The following MRPS27 variants were observed in gnomAD, a reference collection of about 807,000 sequenced individuals.
The protein encoded by MRPS27 is small ribosomal subunit protein mS27.
In MRPS27, 43 loss-of-function variants were observed where a neutral mutation model predicts 48.9. The ratio of observed to expected loss-of-function variants is 0.88; its 90% CI spans 0.69 to 1.13. The LOEUF (loss-of-function observed/expected upper bound fraction) is 1.13, where lower values mean the gene tolerates loss of function less well. Among genes scored for constraint, MRPS27 ranks in the 50% most tolerant of loss-of-function variants. The pLI is 0.00. For synonymous variants in MRPS27, 188 were observed against 171.9 expected (o/e 1.09, Z -0.73); for missense variants, 467 against 476.3 (o/e 0.98, Z 0.18).
intron 4 of MRPS27, among the ~76,000 whole-genome samples, chr5:72,253,336 C>T (rs536096768): frequency 1.4e-3 from 208 of 152,320 alleles, no homozygotes; most frequent in African/African-American, 4.7e-3. Flanking sequence ...ATCAATCTAT[C>T]ACGTTTAATC....
chr5:72,223,665 C>T lies in MRPS27; in HGVS notation c.1005+18G>A, dbSNP rs199822876. The T allele has an allele frequency of 4.8e-5, 78 of 1,613,548 alleles. No homozygotes were observed. In the African/African-American group the frequency reaches 6.8e-4, roughly 14 times the overall value. On this transcript the variant is annotated intron_variant, in intron 10 of 10. Coordinates refer to ENST00000261413, the MANE Select transcript of MRPS27 (RefSeq NM_015084.3). ...GTTTTATGCGCTGCTAAGAGAGACACGTTCTGCTATGATTCACCTTAAATC... is the reference window on the plus strand; with the variant it reads ...GTTTTATGCGCTGCTAAGAGAGACATGTTCTGCTATGATTCACCTTAAATC...
intron 4 of MRPS27, among the ~76,000 whole-genome samples, chr5:72,269,919 GCGGT>G (rs1749192412): frequency 6.6e-6 from 1 of 152,106 alleles, no homozygotes; most frequent in African/African-American, 2.4e-5. Flanking sequence ...GTGGCCGGGT[GCGGT>G]GGCTCACGCC....
intron 7 of MRPS27, 90 bp downstream of exon 7, chr5:72,232,353 A>C: frequency 1.2e-6 from 1 of 845,768 alleles, no homozygotes; most frequent in Non-Finnish European, 1.8e-6. Context: ...CTGGCCACAG[A>C]GCTGCAGACA....
At chr5:72,223,466 C>G (rs777334863) in intron 10 of MRPS27, among the ~76,000 whole-genome samples, 6 of 152,202 alleles carry the variant, frequency 3.9e-5, no homozygotes, top group Non-Finnish European at 8.8e-5. Context: ...GTGAACAAAA[C>G]TGTGACCAAT....
chr5:72,305,407 A>G (rs1310528651), intron 2 of MRPS27, among the ~76,000 whole-genome samples: 1 of 152,232 alleles, frequency 6.6e-6, no homozygotes, highest in Admixed American at 6.5e-5. Flanking sequence ...AGCTGAAATG[A>G]CACAGCAAAA....
chr5:72,305,553 A>C (rs1475127631), intron 2 of MRPS27, among the ~76,000 whole-genome samples: 1 of 152,258 alleles, frequency 6.6e-6, no homozygotes, highest in East Asian at 1.9e-4. Flanking sequence ...ACAAACCAAG[A>C]GAAACCAACA....
At chr5:72,243,020 C>T (rs895282779) in intron 4 of MRPS27, among the ~76,000 whole-genome samples, 3 of 152,206 alleles carry the variant, frequency 2.0e-5, no homozygotes, top group Admixed American at 6.5e-5. Context: ...CCTAAACACA[C>T]ACATGCAGCT....
At chr5:72,266,904 T>C (rs1214723588) in intron 4 of MRPS27, among the ~76,000 whole-genome samples, 1 of 151,572 alleles carries the variant, frequency 6.6e-6, no homozygotes, top group African/African-American at 2.4e-5. Flanking sequence ...TACCACTAGG[T>C]TCATGAATCT....
Position 72,220,875 on chromosome 5 carries a change from T to C in MRPS27, c.*34A>G, listed in dbSNP as rs372769656. On this transcript the variant is annotated 3_prime_UTR_variant, in exon 11 of 11. Coordinates refer to ENST00000261413, the MANE Select transcript of MRPS27 (RefSeq NM_015084.3). ...GTCCTGGCACGGGGTTGAGTGAAGT[T>C]CTTGTGAGACAGGTGGGGCCCTGGG... 1.3e-4 allele frequency: 204 copies of C among 1,612,186 alleles called. No individual in the cohort carries two copies. Among genetic ancestry groups the C allele is most frequent in the Non-Finnish European group, 1.7e-4 (197 of 1,179,130 alleles).
chr5:72,272,847 G>C (rs1359444444), intron 4 of MRPS27, among the ~76,000 whole-genome samples: 1 of 152,166 alleles, frequency 6.6e-6, no homozygotes, highest in East Asian at 1.9e-4. Context: ...CAGAAAGTTT[G>C]TCAACCCCTG....
At position 72,295,845 on chromosome 5, in the gene MRPS27, C is replaced by T. The variant is rs530113327; in HGVS notation, c.223-256G>A. On this transcript the variant is annotated intron_variant, in intron 3 of 10. Transcript: ENST00000261413. ...CCTTGATCAGAAAACGGATTGAAAG[C>T]CAAACATGAACCTTGCTCAGAACAA... is the stretch of plus-strand genomic sequence containing the variant. Among the ~76,000 whole-genome samples the T allele has an allele frequency of 2.4e-3, 366 of 152,282 alleles. 1 individual carries two copies. The highest frequency in any genetic ancestry group is 8.5e-3 in the African/African-American group (354 of 41,554).
At chr5:72,266,719 G>A (rs1749115203) in intron 4 of MRPS27, among the ~76,000 whole-genome samples, 1 of 152,168 alleles carries the variant, frequency 6.6e-6, no homozygotes, top group African/African-American at 2.4e-5. Flanking sequence ...AATTAGCTGG[G>A]TGTGGTGGCA....
chr5:72,223,714 G>C lies in MRPS27; in HGVS notation c.974C>G (p.Ser325Cys). The change falls in exon 10 of 11, where the codon TCC (serine) becomes TGC (cysteine). Residue 325 changes from serine (S) to cysteine (C), a missense_variant. Ser to Cys is a moderately radical substitution (Grantham distance 112). Transcript: ENST00000261413. ...TCGTTCCAGGTATTGAGGAAGCTTG[G>C]ACTGCTCTGTTTCCTCGATGTCTAA... ...EQLDIEETEQ[S>C]KLPQYLERFK... 6.2e-7 allele frequency: 1 copy of C among 1,613,982 alleles called. No individual in the cohort carries two copies. The highest frequency in any genetic ancestry group is 2.2e-5 in the East Asian group (1 of 44,870).
rs575792255 is a variant in MRPS27 at position 72,257,109 on chromosome 5, C to T, written c.282-18981G>A. Among the ~76,000 whole-genome samples the T allele has an allele frequency of 2.6e-5, 4 of 152,266 alleles. No individual in the cohort carries two copies. The East Asian group carries it at 7.7e-4, about 29-fold the overall frequency. On this transcript the variant is annotated intron_variant, in intron 4 of 10. Transcript: ENST00000261413. ...GGTACCTGAACCCTCAACTTTGATT[C>T]TCCACCCTCCACCCAATTTTATTTA...
chr5:72,285,384 T>A (rs1009253849), intron 4 of MRPS27, among the ~76,000 whole-genome samples: 9 of 152,256 alleles, frequency 5.9e-5, no homozygotes, highest in African/African-American at 2.2e-4. Flanking sequence ...GCTCAAAACA[T>A]GTTTTCTCTA....
chr5:72,269,707 T>A (rs1749186561), intron 4 of MRPS27, among the ~76,000 whole-genome samples: 1 of 152,074 alleles, frequency 6.6e-6, no homozygotes, highest in South Asian at 2.1e-4. Context: ...TACACACGTG[T>A]GGGGGATATG....
chr5:72,283,892 A>G (rs1419785728), intron 4 of MRPS27, among the ~76,000 whole-genome samples: 1 of 152,080 alleles, frequency 6.6e-6, no homozygotes. Flanking sequence ...ACCTGCCATT[A>G]ATCCTGCTGA....
intron 4 of MRPS27, among the ~76,000 whole-genome samples, chr5:72,286,275 C>T (rs1749672353): frequency 6.6e-6 from 1 of 152,124 alleles, no homozygotes; most frequent in Non-Finnish European, 1.5e-5. Flanking sequence ...AGGACCGACA[C>T]TAGCCAAAAT....
Position 72,223,835 on chromosome 5 carries a change from C to T in MRPS27, c.853G>A (p.Ala285Thr), listed in dbSNP as rs200556076. 1.2e-6 allele frequency: 2 copies of T among 1,613,840 alleles called. No individual in the cohort carries two copies. Among genetic ancestry groups the T allele is most frequent in the African/African-American group, 2.7e-5 (2 of 75,020 alleles). ...GCTGAAGTCAGAGCCTTCAGCACTG[C>T]ACCCAGCACATCGAGCTGTGGAGCA... is the stretch of plus-strand genomic sequence containing the variant. ...LCREALDVLG[A>T]VLKALTSADG... Residue 285 changes from alanine to threonine, a missense_variant, in exon 10 of 11, where the codon GCA (alanine) becomes ACA (threonine). By Grantham distance (58) the Ala-to-Thr change is moderately conservative. Coordinates refer to ENST00000261413, the MANE Select transcript of MRPS27 (RefSeq NM_015084.3).
Sources: gnomAD v4.1 joint callset for allele counts (sites outside exome capture counted in the v4.1 genomes callset) on GRCh38, gnomAD v4.1.1 for gene constraint, MANE v1.5 for transcripts, NCBI Gene and HGNC (gene_info 2026-07-23, HGNC 2026-07-21) for gene names.